The following PLA2G2E variants were observed in gnomAD, a reference collection of about 807,000 sequenced individuals.
PLA2G2E encodes the protein phospholipase A2 group IIE.
Under a neutral mutation model 16.5 loss-of-function variants are expected in PLA2G2E, and 14 were observed. The ratio of observed to expected loss-of-function variants is 0.85; its 90% confidence interval spans 0.56 to 1.33. The LOEUF (loss-of-function observed/expected upper bound fraction) is 1.33. Ranked by LOEUF, PLA2G2E falls within the 40% of genes most tolerant of loss-of-function variation. The pLI is 0.00. For synonymous variants in PLA2G2E, 72 were observed against 77.2 expected (o/e 0.93, Z 0.36); for missense variants, 174 against 190.7 (o/e 0.91, Z 0.52).
Position 19,920,191 on chromosome 1 carries a change from T to C in PLA2G2E, c.*116A>G, listed in dbSNP as rs767107525. On this transcript the variant is annotated 3_prime_UTR_variant, in exon 4 of 4. Transcript: ENST00000375116. The surrounding 1 kb of genome is among the most constrained non-coding windows in gnomAD (Gnocchi z 4.3). ...CTCTGAGCTCTCAAGGAGGGATGAG[T>C]TTGCAGGAAAGGAATTTTCCAAAGG... The C allele has an allele frequency of 1.2e-6, 1 of 847,174 alleles. No individual in the cohort carries two copies. Among genetic ancestry groups the C allele is most frequent in the Non-Finnish European group, 1.8e-6 (1 of 544,248 alleles). The allele number at this position is 847,174 out of a possible 1,614,324, so 52.5% of individuals were successfully genotyped here.
In PLA2G2E at chr1:19,920,808, T is replaced by C. The variant is rs749766904; in HGVS notation, c.287-359A>G. ...GCACCCCTGTGTGATGCGTTGCTGA[T>C]GGCGGATTGTGGCCATCAAGCAGAG... On this transcript the variant is annotated intron_variant, in intron 3 of 3. Coordinates refer to ENST00000375116, the MANE Select transcript of PLA2G2E (RefSeq NM_014589.3). This position sits in a 1 kb window ranked among gnomAD's most constrained non-coding sequence, Gnocchi z 4.3. 6.6e-6 allele frequency among the ~76,000 whole-genome samples: 1 copy of C among 152,176 alleles called. No individual in the cohort carries two copies. The highest frequency in any genetic ancestry group is 1.5e-5 in the Non-Finnish European group (1 of 68,034).
At chr1:19,922,843 C>T in intron 1 of PLA2G2E, 88 bp from the exon 2 acceptor site, 1 of 1,497,666 alleles carries the variant, frequency 6.7e-7, no homozygotes, top group South Asian at 1.2e-5. Flanking sequence ...TGATCACAGG[C>T]ATCTCTCCAG....
intron 1 of PLA2G2E, among the ~76,000 whole-genome samples, chr1:19,923,260 G>T (rs1290016005): frequency 6.6e-6 from 1 of 152,214 alleles, no homozygotes; most frequent in African/African-American, 2.4e-5. Flanking sequence ...ATAGGAGAAG[G>T]AGCCTAGGGT....
At position 19,922,403 on chromosome 1, in the gene PLA2G2E, A is replaced by G; in HGVS notation, c.181T>C (p.Cys61Arg). The part of the protein sequence containing the change: ...SHWPVDQTDW[C>R]CHAHDCCYGR... ...TAGCAGCAGTCGTGGGCGTGGCAGCACCTGTAAGGGTCATGGTTGACCTGG... is the reference window on the plus strand; with the variant it reads ...TAGCAGCAGTCGTGGGCGTGGCAGCGCCTGTAAGGGTCATGGTTGACCTGG... The change falls in exon 3 of 4, where the codon TGC becomes CGC. Residue 61 changes from cysteine (C) to arginine (R), a missense_variant and splice_region_variant. Coordinates refer to ENST00000375116, the MANE Select transcript of PLA2G2E (RefSeq NM_014589.3). The G allele has an allele frequency of 6.2e-7, 1 of 1,613,432 alleles. No homozygotes were observed. Among genetic ancestry groups the G allele is most frequent in the African/African-American group, 1.3e-5 (1 of 75,018 alleles).
chr1:19,922,789 G>GCCCCACC, intron 1 of PLA2G2E, 34 bp from the exon 2 acceptor site: 3 of 1,610,846 alleles, frequency 1.9e-6, no homozygotes, highest in East Asian at 2.2e-5. Flanking sequence ...GAGAGGGAGG[G>GCCCCACC]CCCCACCCTC....
chr1:19,923,456 G>T, intron 1 of PLA2G2E, 64 bp downstream of exon 1: 1 of 1,395,332 alleles, frequency 7.2e-7, no homozygotes, highest in Non-Finnish European at 9.9e-7. Flanking sequence ...CAGGCTCAGG[G>T]GCATCCAGGG....
intron 1 of PLA2G2E, 102 bp from the exon 2 acceptor site, chr1:19,922,857 T>C (rs1054503324): frequency 7.1e-7 from 1 of 1,416,036 alleles, no homozygotes; most frequent in Admixed American, 2.1e-5. Flanking sequence ...TCTCCAGTTG[T>C]CCAGTTAAGC....
rs769870817 is a variant in PLA2G2E at position 19,923,605 on chromosome 1, C to T, written c.-46G>A. ...GGTGCACAAGGAGCATAAAAGGCAG[C>T]AGAAGAAAGCAGCAGGGCCACCTCT... On this transcript the variant is annotated 5_prime_UTR_variant, in exon 1 of 4. Transcript: ENST00000375116. 7.9e-6 allele frequency: 12 copies of T among 1,516,234 alleles called. No individual in the cohort carries two copies. The highest frequency in any genetic ancestry group is 1.1e-5 in the Non-Finnish European group (12 of 1,121,454). 93.9% of individuals were successfully genotyped at this position (1,516,234 alleles called of 1,614,324 possible).
Position 19,922,716 on chromosome 1 carries a change from A to G in PLA2G2E, c.80T>C (p.Met27Thr). ...GGACTTGCCTGTCATCTTCTCGATC[A>G]TCACCCCAAACTGAACCAGGTTCCC... ...VTGNLVQFGV[M>T]IEKMTGKSAL... Residue 27 changes from methionine (M) to threonine (T), a missense_variant, in exon 2 of 4, where the codon ATG becomes ACG. Coordinates refer to ENST00000375116, the MANE Select transcript of PLA2G2E (RefSeq NM_014589.3). 1 of 1,613,896 alleles carries G rather than the reference A, an allele frequency of 6.2e-7. No homozygotes were observed. The highest frequency in any genetic ancestry group is 8.5e-7 in the Non-Finnish European group (1 of 1,179,978).
intron 1 of PLA2G2E, among the ~76,000 whole-genome samples, chr1:19,923,163 C>T (rs2045831036): frequency 6.6e-6 from 1 of 152,234 alleles, no homozygotes; most frequent in African/African-American, 2.4e-5. Flanking sequence ...CAGCTGACCT[C>T]CCCAAATTCT....
At chr1:19,921,201 C>T (rs1327774967) in intron 3 of PLA2G2E, among the ~76,000 whole-genome samples, 1 of 152,222 alleles carries the variant, frequency 6.6e-6, no homozygotes, top group African/African-American at 2.4e-5. Context: ...GTTGAGCCTT[C>T]GTCTCCCGTC....
intron 3 of PLA2G2E, among the ~76,000 whole-genome samples, chr1:19,921,040 A>G (rs1232648227): frequency 6.6e-6 from 1 of 152,170 alleles, no homozygotes; most frequent in Admixed American, 6.5e-5. Flanking sequence ...TCCTAGAGCC[A>G]GCTGGCATCA....
In PLA2G2E at chr1:19,920,303, A is replaced by C; in HGVS notation, c.*4T>G. The C allele has an allele frequency of 2.5e-6, 4 of 1,611,186 alleles. No homozygotes were observed. The highest frequency in any genetic ancestry group is 3.4e-6 in the Non-Finnish European group (4 of 1,179,136). Reference sequence around the variant, plus strand: ...CAGGGACGGGGGGGAGGCCGAGCATAGCCTCAGCAGGGCGGGGTGGGCCCG... The same window carrying C: ...CAGGGACGGGGGGGAGGCCGAGCATCGCCTCAGCAGGGCGGGGTGGGCCCG... On this transcript the variant is annotated 3_prime_UTR_variant, in exon 4 of 4. Coordinates refer to ENST00000375116, the MANE Select transcript of PLA2G2E (RefSeq NM_014589.3). The surrounding 1 kb of genome is among the most constrained non-coding windows in gnomAD (Gnocchi z 4.3).
At chr1:19,923,493 A>C in intron 1 of PLA2G2E, 27 bp downstream of exon 1, 1 of 1,543,282 alleles carries the variant, frequency 6.5e-7, no homozygotes, top group South Asian at 1.2e-5. Flanking sequence ...ATGGGGCAGA[A>C]GGCTGAAGGT....
At position 19,922,317 on chromosome 1, in the gene PLA2G2E, G is replaced by A; in HGVS notation, c.267C>T (p.Ser89=). The A allele has an allele frequency of 1.2e-6, 2 of 1,613,688 alleles. No individual in the cohort carries two copies. The highest frequency in any genetic ancestry group is 1.7e-6 in the Non-Finnish European group (2 of 1,179,630). ...ACCTACCGCAGAAAATGCCACGTTC[G>A]CTGACAGAGAAAAGATACTTTTCCA... ...PKLEKYLFSV[S]ERGIFCAGRT... Residue 89 remains serine (S), a synonymous_variant, in exon 3 of 4, where the codon AGC becomes AGT. Coordinates refer to ENST00000375116, the MANE Select transcript of PLA2G2E (RefSeq NM_014589.3).
At chr1:19,922,575 C>T in intron 2 of PLA2G2E, 42 bp downstream of exon 2, 1 of 1,610,110 alleles carries the variant, frequency 6.2e-7, no homozygotes. Context: ...TCCCCCAGCT[C>T]CTCCATCCCC....
Position 19,922,331 on chromosome 1 carries a change from G to A in PLA2G2E, c.253C>T (p.Leu85Phe), listed in dbSNP as rs760306746. 5 of 1,613,910 alleles carry A rather than the reference G, an allele frequency of 3.1e-6. No homozygotes were observed. The Admixed American group carries it at 5.0e-5, about 16-fold the overall frequency. Residue 85 changes from leucine to phenylalanine, a missense_variant, in exon 3 of 4, where the codon CTT (leucine) becomes TTT (phenylalanine). Transcript: ENST00000375116. ...LGCEPKLEKY[L>F]FSVSERGIFC... is the part of the protein sequence containing the mutation. Reference sequence around the variant, plus strand: ...ATGCCACGTTCGCTGACAGAGAAAAGATACTTTTCCAGTTTGGGCTCACAG... The same window carrying A: ...ATGCCACGTTCGCTGACAGAGAAAAAATACTTTTCCAGTTTGGGCTCACAG...
At chr1:19,922,508 G>T in intron 2 of PLA2G2E, 104 bp from the exon 3 acceptor site, 1 of 1,549,218 alleles carries the variant, frequency 6.5e-7, no homozygotes, top group Non-Finnish European at 8.8e-7. Context: ...GGAGAGATCA[G>T]CCTGAATTTT....
At position 19,920,690 on chromosome 1, in the gene PLA2G2E, G is replaced by A. The variant is rs568209363; in HGVS notation, c.287-241C>T. Among the ~76,000 whole-genome samples, 3 of 152,256 alleles carry A rather than the reference G, an allele frequency of 2.0e-5. No individual in the cohort carries two copies. The highest frequency in any genetic ancestry group is 2.9e-5 in the Non-Finnish European group (2 of 68,006). On this transcript the variant is annotated intron_variant, in intron 3 of 3. Transcript: ENST00000375116. This position sits in a 1 kb window ranked among gnomAD's most constrained non-coding sequence, Gnocchi z 4.3. The stretch of plus-strand genomic sequence containing the variant: ...TCCCTCCCTGCTCTCCCAAGCCCAC[G>A]CTGACTGCCCTTAGCTCTCTCCGGC...
Sources: gnomAD v4.1 joint callset for allele counts (sites outside exome capture counted in the v4.1 genomes callset) on GRCh38, gnomAD v4.1.1 for gene constraint, Gnocchi (gnomAD v3.1) non-coding constraint, MANE v1.5 for transcripts, NCBI Gene and HGNC (gene_info 2026-07-23, HGNC 2026-07-21) for gene names.